MED27: variants seen among roughly 807,000 people sequenced by gnomAD.
The protein encoded by MED27 is mediator of RNA polymerase II transcription subunit 27.
Under a neutral mutation model 38.2 loss-of-function variants are expected in MED27, and 30 were observed. That is an observed-to-expected ratio of 0.79 (90% CI 0.59 to 1.07). The LOEUF (loss-of-function observed/expected upper bound fraction) is 1.07, where lower values mean the gene tolerates loss of function less well. Among genes scored for constraint, MED27 ranks in the 50% least tolerant of loss-of-function variants. MED27 has a pLI of 0.00. For synonymous variants in MED27, 122 were observed against 153.5 expected, an observed-to-expected ratio of 0.79 and a Z score of 1.52; for missense variants, 289 against 397.5, an observed-to-expected ratio of 0.73 and a Z score of 2.32.
Position 132,015,925 on chromosome 9 carries a change from C to G in MED27, c.349-1458G>C, listed in dbSNP as rs554101642. Among the ~76,000 whole-genome samples, 4 of 152,230 alleles carry G rather than the reference C, an allele frequency of 2.6e-5. No individual in the cohort carries two copies. In the South Asian group the frequency reaches 8.3e-4, roughly 32 times the overall value. On this transcript the variant is annotated intron_variant, in intron 2 of 7. Coordinates refer to ENST00000292035, the MANE Select transcript of MED27 (RefSeq NM_004269.4). ...TAACATCCAATATGTTTCTTCCTCTCTTCTCAGATTAAGCAAGGTCTTTCA... is the reference window on the plus strand; with the variant it reads ...TAACATCCAATATGTTTCTTCCTCTGTTCTCAGATTAAGCAAGGTCTTTCA...
chr9:131,866,549 G>A (rs188090950), intron 6 of MED27, among the ~76,000 whole-genome samples: 37 of 152,348 alleles, frequency 2.4e-4, no homozygotes, highest in South Asian at 1.2e-3. Flanking sequence ...GTCTCAACAC[G>A]GCTCAGAGGG....
intron 4 of MED27, among the ~76,000 whole-genome samples, chr9:131,939,095 C>T (rs1038805239): frequency 3.9e-5 from 6 of 152,174 alleles, no homozygotes; most frequent in East Asian, 3.8e-4. Context: ...AAAACAGATT[C>T]GCCAAAACAT....
At chr9:132,007,314 G>A (rs556606521) in intron 3 of MED27, among the ~76,000 whole-genome samples, 3 of 152,280 alleles carry the variant, frequency 2.0e-5, no homozygotes, top group Admixed American at 1.3e-4. Flanking sequence ...AAATGCAAAC[G>A]CTGAGGAAAT....
chr9:131,920,363 C>T (rs2131550419), intron 4 of MED27, among the ~76,000 whole-genome samples: 1 of 152,318 alleles, frequency 6.6e-6, no homozygotes, highest in African/African-American at 2.4e-5. Flanking sequence ...AATTGCTCAT[C>T]TCAGTATTTG....
chr9:131,930,876 G>A (rs1259969979), intron 4 of MED27, among the ~76,000 whole-genome samples: 4 of 152,194 alleles, frequency 2.6e-5, no homozygotes, highest in Admixed American at 1.3e-4. Flanking sequence ...AAAAAGTGTA[G>A]AGTTATTATT....
intron 5 of MED27, among the ~76,000 whole-genome samples, chr9:131,887,775 C>A (rs1177552741): frequency 2.0e-5 from 3 of 152,196 alleles, no homozygotes; most frequent in Admixed American, 1.3e-4. Context: ...GCGAAGCACC[C>A]TTCAGTATTC....
chr9:132,069,775 T>C (rs1387390927), intron 2 of MED27, among the ~76,000 whole-genome samples: 1 of 152,120 alleles, frequency 6.6e-6, no homozygotes, highest in African/African-American at 2.4e-5. Flanking sequence ...AGCCCAACCC[T>C]TCATCCTACC....
chr9:131,971,605 G>C (rs1831478596), intron 3 of MED27, among the ~76,000 whole-genome samples: 1 of 152,188 alleles, frequency 6.6e-6, no homozygotes, highest in African/African-American at 2.4e-5. Context: ...CGGACCCCAA[G>C]TGCCAAAAGA....
In MED27 at chr9:131,913,703, T is replaced by C. The variant is rs1260823632; in HGVS notation, c.574-19711A>G. ...TTGTCCATGGCTAGGTGGCAGTAGGTTTCTCCAGGTGTGGACCCCAGCCCA... is the reference window on the plus strand; with the variant it reads ...TTGTCCATGGCTAGGTGGCAGTAGGCTTCTCCAGGTGTGGACCCCAGCCCA... On this transcript the variant is annotated intron_variant, in intron 4 of 7. Coordinates refer to ENST00000292035, the MANE Select transcript of MED27 (RefSeq NM_004269.4). The surrounding 1 kb of genome is among the most constrained non-coding windows in gnomAD (Gnocchi z 4.5). Among the ~76,000 whole-genome samples the C allele has an allele frequency of 6.6e-6, 1 of 152,108 alleles. No homozygotes were observed. The highest frequency in any genetic ancestry group is 1.5e-5 in the Non-Finnish European group (1 of 68,020).
At chr9:131,919,287 G>A (rs1283545984) in intron 4 of MED27, among the ~76,000 whole-genome samples, 1 of 152,170 alleles carries the variant, frequency 6.6e-6, no homozygotes, top group South Asian at 2.1e-4. Flanking sequence ...TCTCAGAATT[G>A]AGTGGGCCCA....
intron 2 of MED27, among the ~76,000 whole-genome samples, chr9:132,058,074 T>C (rs1475852773): frequency 1.3e-5 from 2 of 152,248 alleles, no homozygotes; most frequent in Non-Finnish European, 2.9e-5. Flanking sequence ...AAGAATTATA[T>C]GAGGCTTGGC....
At chr9:132,031,011 G>A (rs779077297) in intron 2 of MED27, among the ~76,000 whole-genome samples, 1 of 152,252 alleles carries the variant, frequency 6.6e-6, no homozygotes, top group Non-Finnish European at 1.5e-5. Flanking sequence ...GGGAGAAGTC[G>A]ATTTTTAAAA....
At chr9:132,062,602 G>A (rs1833721316) in intron 2 of MED27, among the ~76,000 whole-genome samples, 1 of 143,508 alleles carries the variant, frequency 7.0e-6, no homozygotes, top group South Asian at 2.3e-4. Flanking sequence ...AGCACGAGAA[G>A]GAGTCATCAA....
intron 3 of MED27, among the ~76,000 whole-genome samples, chr9:131,941,118 A>G (rs1393363698): frequency 6.6e-6 from 1 of 152,218 alleles, no homozygotes; most frequent in Non-Finnish European, 1.5e-5. Flanking sequence ...TTTGAGAACA[A>G]AATCATACAA....
At chr9:131,940,782 C>A (rs1434816736) in intron 3 of MED27, among the ~76,000 whole-genome samples, 1 of 152,206 alleles carries the variant, frequency 6.6e-6, no homozygotes, top group East Asian at 1.9e-4. Flanking sequence ...AAACTCTCTA[C>A]CTGGCTCTTA....
chr9:132,039,446 C>A (rs1030770345), intron 2 of MED27, among the ~76,000 whole-genome samples: 2 of 152,208 alleles, frequency 1.3e-5, no homozygotes, highest in Non-Finnish European at 2.9e-5. Context: ...TAGCATGGTG[C>A]CCCGCACATG....
At chr9:132,064,638 T>A (rs1833771065) in intron 2 of MED27, among the ~76,000 whole-genome samples, 1 of 152,200 alleles carries the variant, frequency 6.6e-6, no homozygotes. Context: ...CAAAGGCAAA[T>A]AAGCCAGAAA....
At chr9:131,891,307 G>C (rs1429153561) in intron 5 of MED27, among the ~76,000 whole-genome samples, 1 of 152,252 alleles carries the variant, frequency 6.6e-6, no homozygotes, top group Non-Finnish European at 1.5e-5. Context: ...AATGATGCCA[G>C]ATGAAGTCAG....
At chr9:132,005,748 G>A (rs536346832) in intron 3 of MED27, among the ~76,000 whole-genome samples, 1 of 152,314 alleles carries the variant, frequency 6.6e-6, no homozygotes, top group African/African-American at 2.4e-5. Flanking sequence ...TCTGGGATAA[G>A]AGTGGTATCC....
Sources: allele counts gnomAD v4.1 joint callset (sites outside exome capture counted in the v4.1 genomes callset), GRCh38; gene constraint gnomAD v4.1.1; non-coding constraint Gnocchi (gnomAD v3.1); transcripts MANE v1.5; gene names NCBI Gene and HGNC (gene_info 2026-07-23, HGNC 2026-07-21).